ZNF652: variants seen among roughly 807,000 people sequenced by gnomAD.
The protein encoded by ZNF652 is zinc finger protein 652.
In ZNF652, 16 loss-of-function variants were observed where a neutral mutation model predicts 45.2. The observed-to-expected ratio is 0.35, with a 90% confidence interval of 0.24 to 0.54. The LOEUF is 0.54. Among genes scored for constraint, ZNF652 ranks in the 20% least tolerant of loss-of-function variants. The pLI is 0.91. For synonymous variants in ZNF652, 250 were observed against 260.6 expected, an observed-to-expected ratio of 0.96 and a Z score of 0.39; for missense variants, 614 against 765.6, an observed-to-expected ratio of 0.80 and a Z score of 2.34.
At chr17:49,299,391 G>A (rs1339833616) in intron 5 of ZNF652, among the ~76,000 whole-genome samples, 1 of 151,612 alleles carries the variant, frequency 6.6e-6, no homozygotes, top group African/African-American at 2.4e-5. Context: ...TTCTTTTTTA[G>A]TTTTTTGAGA....
chr17:49,312,786 G>T lies in ZNF652; in HGVS notation c.960C>A (p.Ile320=), dbSNP rs2069734959. The T allele has an allele frequency of 6.2e-7, 1 of 1,613,938 alleles. No individual in the cohort carries two copies. The highest frequency in any genetic ancestry group is 8.5e-7 in the Non-Finnish European group (1 of 1,179,860). Residue 320 remains isoleucine (I), a synonymous_variant, in exon 3 of 6, where the codon ATC becomes ATA. Transcript: ENST00000430262. ...ATTTCTTTTCTGCATATCCATGGAC[G>T]ATCTTGATATGTTCATGAAGGGACC... The part of the protein sequence containing the change: ...KLWSLHEHIK[I]VHGYAEKKFS...
intron 5 of ZNF652, among the ~76,000 whole-genome samples, chr17:49,303,836 T>C (rs189574924): frequency 6.6e-6 from 1 of 152,174 alleles, no homozygotes; most frequent in East Asian, 1.9e-4. Context: ...GTTTTTTATG[T>C]GCTCAAATCC....
intron 1 of ZNF652, among the ~76,000 whole-genome samples, chr17:49,354,507 A>G (rs2070313895): frequency 6.6e-6 from 1 of 151,432 alleles, no homozygotes; most frequent in South Asian, 2.1e-4. Context: ...GCTACTCGGG[A>G]GGCCAAGGCA....
chr17:49,320,467 G>C (rs985504856), intron 1 of ZNF652, among the ~76,000 whole-genome samples: 3 of 152,204 alleles, frequency 2.0e-5, no homozygotes, highest in Non-Finnish European at 2.9e-5. Flanking sequence ...GGTAGTATTT[G>C]ACTCCAGGCC....
At chr17:49,335,389 G>A (rs1197274170) in intron 1 of ZNF652, among the ~76,000 whole-genome samples, 1 of 151,944 alleles carries the variant, frequency 6.6e-6, no homozygotes, top group Non-Finnish European at 1.5e-5. Context: ...CGAACTCACG[G>A]GATTCCCTTC....
rs2069441638 is a variant in ZNF652, at chr17:49,294,197, C to T, written c.*4216G>A. 6.6e-6 allele frequency among the ~76,000 whole-genome samples: 1 copy of T among 152,094 alleles called. No homozygotes were observed. ...AATTAAAAAATTCATAGTTTATAAGCATCTCATCAGAGCATTTTGCTTTCG... is the reference window on the plus strand; with the variant it reads ...AATTAAAAAATTCATAGTTTATAAGTATCTCATCAGAGCATTTTGCTTTCG... On this transcript the variant is annotated 3_prime_UTR_variant, in exon 6 of 6. Transcript: ENST00000430262.
chr17:49,348,738 C>T (rs1424952094), intron 1 of ZNF652, among the ~76,000 whole-genome samples: 2 of 151,962 alleles, frequency 1.3e-5, no homozygotes, highest in African/African-American at 4.8e-5. Flanking sequence ...TCTGGAGTTG[C>T]TTTAAAATGA....
At chr17:49,339,196 AATTTT>A (rs1371632982) in intron 1 of ZNF652, among the ~76,000 whole-genome samples, 1 of 101,772 alleles carries the variant, frequency 9.8e-6, no homozygotes, top group Non-Finnish European at 2.0e-5. Flanking sequence ...TGAGTTAGGA[AATTTT>A]TTTTTTTTTT....
At chr17:49,347,097 T>C in intron 1 of ZNF652, among the ~76,000 whole-genome samples, 1 of 152,194 alleles carries the variant, frequency 6.6e-6, no homozygotes, top group South Asian at 2.1e-4. Flanking sequence ...TATGCTTAAA[T>C]CCACTGGTCA....
intron 1 of ZNF652, among the ~76,000 whole-genome samples, chr17:49,355,232 CTT>C (rs2070322968): frequency 6.6e-6 from 1 of 152,052 alleles, no homozygotes; most frequent in African/African-American, 2.4e-5. Flanking sequence ...AGATAAAAAA[CTT>C]TTAATAATTA....
intron 1 of ZNF652, among the ~76,000 whole-genome samples, chr17:49,329,828 T>C (rs1182192604): frequency 1.3e-5 from 2 of 152,246 alleles, no homozygotes; most frequent in Non-Finnish European, 2.9e-5. Flanking sequence ...TACTACCTAA[T>C]TACCTTCAAG....
chr17:49,324,517 A>T (rs2069935123), intron 1 of ZNF652, among the ~76,000 whole-genome samples: 1 of 151,188 alleles, frequency 6.6e-6, no homozygotes, highest in African/African-American at 2.4e-5. Context: ...CAGCCTCCCA[A>T]GTAGCTGGGA....
chr17:49,299,052 G>T, intron 5 of ZNF652, 128 bp from the exon 6 acceptor site: 1 of 1,020,890 alleles, frequency 9.8e-7, no homozygotes, highest in Non-Finnish European at 1.4e-6. Flanking sequence ...CTGGCCTCAA[G>T]TGATCCTCCC....
At chr17:49,355,313 G>A (rs2070323962) in intron 1 of ZNF652, among the ~76,000 whole-genome samples, 2 of 152,294 alleles carry the variant, frequency 1.3e-5, no homozygotes, top group East Asian at 3.9e-4. Context: ...GTCTGGGCAT[G>A]GTGGCTCACG....
At position 49,294,361 on chromosome 17, in the gene ZNF652, T is replaced by C. The variant is rs747326511; in HGVS notation, c.*4052A>G. Among the ~76,000 whole-genome samples the C allele has an allele frequency of 2.0e-5, 3 of 152,216 alleles. No individual in the cohort carries two copies. Among genetic ancestry groups the C allele is most frequent in the Non-Finnish European group, 2.9e-5 (2 of 68,024 alleles). On this transcript the variant is annotated 3_prime_UTR_variant, in exon 6 of 6. Transcript: ENST00000430262. Reference sequence around the variant, plus strand: ...AGTCATTAATCTAGAACAGTTAATGTAAATGGTAGACTATGAAAGTACAGG... The same window carrying C: ...AGTCATTAATCTAGAACAGTTAATGCAAATGGTAGACTATGAAAGTACAGG...
intron 2 of ZNF652, among the ~76,000 whole-genome samples, chr17:49,313,485 C>T (rs2069747840): frequency 6.6e-6 from 1 of 152,036 alleles, no homozygotes; most frequent in Non-Finnish European, 1.5e-5. Flanking sequence ...ACAGAAGTTG[C>T]AAGACATTCG....
chr17:49,324,355 C>A (rs1034154127), intron 1 of ZNF652, among the ~76,000 whole-genome samples: 1 of 152,158 alleles, frequency 6.6e-6, no homozygotes, highest in Admixed American at 6.5e-5. Flanking sequence ...GACCACTAAA[C>A]CTTCTCCATC....
intron 1 of ZNF652, among the ~76,000 whole-genome samples, chr17:49,338,285 C>A (rs994873030): frequency 1.3e-5 from 2 of 152,114 alleles, no homozygotes; most frequent in Non-Finnish European, 2.9e-5. Context: ...TGCACTCCAC[C>A]AGTTTCTGAA....
chr17:49,310,616 G>A (rs1307398355), intron 5 of ZNF652, among the ~76,000 whole-genome samples: 1 of 152,100 alleles, frequency 6.6e-6, no homozygotes, highest in Admixed American at 6.6e-5. Flanking sequence ...AGAACAATGA[G>A]AGGGGCTGGG....
Sources: allele counts gnomAD v4.1 joint callset (sites outside exome capture counted in the v4.1 genomes callset), GRCh38; gene constraint gnomAD v4.1.1; transcripts MANE v1.5; gene names NCBI Gene and HGNC (gene_info 2026-07-23, HGNC 2026-07-21).